The following AOAH variants were observed in gnomAD, a reference collection of about 807,000 sequenced individuals.
The protein encoded by AOAH is acyloxyacyl hydrolase (neutrophil).
AOAH carries 64 observed loss-of-function variants against 92.2 expected under a neutral mutation model. That is an observed-to-expected ratio of 0.69 (90% CI 0.57 to 0.86). The LOEUF (loss-of-function observed/expected upper bound fraction) is 0.86, where lower values mean the gene tolerates loss of function less well. Among genes scored for constraint, AOAH ranks in the 40% least tolerant of loss-of-function variants. The probability of loss-of-function intolerance (pLI) is 0.00; values close to 1 mark genes in which losing one functional copy is unlikely to be tolerated. For missense variants in AOAH, 656 were observed against 694.6 expected, an observed-to-expected ratio of 0.94 and a Z score of 0.62; for synonymous variants, 263 against 254.5, an observed-to-expected ratio of 1.03 and a Z score of -0.32.
At chr7:36,580,066 G>A (rs1788825472) in intron 12 of AOAH, among the ~76,000 whole-genome samples, 1 of 152,154 alleles carries the variant, frequency 6.6e-6, no homozygotes, top group Non-Finnish European at 1.5e-5. Context: ...ATGTTATGAT[G>A]GCAGTCTTGG....
At chr7:36,524,787 G>T (rs187908179) in intron 19 of AOAH, among the ~76,000 whole-genome samples, 1 of 151,656 alleles carries the variant, frequency 6.6e-6, no homozygotes, top group South Asian at 2.1e-4. Context: ...GTTGGCAGTC[G>T]GCAACACGGA....
chr7:36,515,283 ACACACACAC>A (rs777523429), intron 20 of AOAH, among the ~76,000 whole-genome samples: 2 of 117,654 alleles, frequency 1.7e-5, no homozygotes, highest in African/African-American at 3.3e-5. Context: ...CCCCCACACT[ACACACACAC>A]CACACACACA....
At chr7:36,517,176 T>TTCTC (rs1437199186) in intron 20 of AOAH, among the ~76,000 whole-genome samples, 15 of 47,500 alleles carry the variant, frequency 3.2e-4, no homozygotes, top group East Asian at 3.0e-3. Context: ...CTTTCTTTCT[T>TTCTC]TCTTTCTTTC....
intron 3 of AOAH, among the ~76,000 whole-genome samples, chr7:36,662,600 T>C (rs573818652): frequency 1.3e-5 from 2 of 152,262 alleles, no homozygotes; most frequent in South Asian, 4.2e-4. Context: ...GACTCGAGAG[T>C]GATAAATAGG....
chr7:36,517,214 C>CTTTCTTTCTTTCTCTCTT (rs59205788), intron 20 of AOAH, among the ~76,000 whole-genome samples: 1 of 104,830 alleles, frequency 9.5e-6, no homozygotes, highest in Non-Finnish European at 1.9e-5. Flanking sequence ...TTCTTTCTTT[C>CTTTCTTTCTTTCTCTCTT]TCTTTCTTTC....
intron 3 of AOAH, among the ~76,000 whole-genome samples, chr7:36,671,075 A>G (rs575386702): frequency 2.0e-5 from 3 of 152,176 alleles, no homozygotes; most frequent in African/African-American, 7.2e-5. Flanking sequence ...CAGCTTGCTG[A>G]TCTGGTTCCC....
chr7:36,606,003 G>A (rs960698724), intron 11 of AOAH, among the ~76,000 whole-genome samples: 1 of 152,186 alleles, frequency 6.6e-6, no homozygotes, highest in Non-Finnish European at 1.5e-5. Context: ...GATGGCTGAG[G>A]AGCAGAAGAT....
intron 13 of AOAH, among the ~76,000 whole-genome samples, chr7:36,567,786 A>G (rs762715349): frequency 1.3e-4 from 20 of 152,074 alleles, no homozygotes; most frequent in Non-Finnish European, 2.8e-4. Context: ...TGAGGAAGCA[A>G]TTTTTTTCCG....
At chr7:36,675,955 T>C (rs1246527209) in intron 2 of AOAH, among the ~76,000 whole-genome samples, 2 of 152,154 alleles carry the variant, frequency 1.3e-5, no homozygotes, top group East Asian at 3.8e-4. Flanking sequence ...TTATTAGGAA[T>C]AAAAGGGAAT....
intron 10 of AOAH, 125 bp from the exon 11 acceptor site, chr7:36,616,599 A>C (rs13235549): frequency 1.4e-6 from 1 of 733,278 alleles, no homozygotes; most frequent in Non-Finnish European, 2.4e-6. Flanking sequence ...ACAGTAATGC[A>C]TTACCACTTT....
intron 11 of AOAH, among the ~76,000 whole-genome samples, chr7:36,609,965 A>G (rs1283496570): frequency 1.3e-5 from 2 of 152,070 alleles, no homozygotes; most frequent in East Asian, 3.9e-4. Context: ...ACAAGCACGA[A>G]AAACCAGACA....
At chr7:36,709,913 C>T (rs771441038) in intron 1 of AOAH, among the ~76,000 whole-genome samples, 1 of 152,192 alleles carries the variant, frequency 6.6e-6, no homozygotes, top group Admixed American at 6.5e-5. Flanking sequence ...CAGTCTGCAA[C>T]TTAATCTTCA....
At chr7:36,643,783 G>C (rs894751951) in intron 4 of AOAH, among the ~76,000 whole-genome samples, 1 of 152,068 alleles carries the variant, frequency 6.6e-6, no homozygotes, top group East Asian at 1.9e-4. Context: ...TAGTGGGTGA[G>C]TTCTCATGAG....
intron 1 of AOAH, among the ~76,000 whole-genome samples, chr7:36,687,457 T>C (rs1223295431): frequency 6.6e-6 from 1 of 152,170 alleles, no homozygotes; most frequent in Non-Finnish European, 1.5e-5. Flanking sequence ...TAAGTGTGAA[T>C]GCCTAGAGCT....
At chr7:36,526,396 C>T (rs952686627) in intron 19 of AOAH, among the ~76,000 whole-genome samples, 3 of 152,168 alleles carry the variant, frequency 2.0e-5, no homozygotes, top group Admixed American at 1.3e-4. Flanking sequence ...TTATCTGTAT[C>T]GTGACCAATG....
At chr7:36,611,714 A>G (rs891483486) in intron 11 of AOAH, among the ~76,000 whole-genome samples, 1 of 152,150 alleles carries the variant, frequency 6.6e-6, no homozygotes, top group Non-Finnish European at 1.5e-5. Context: ...AAGTACAAGG[A>G]TTTCAGGCAA....
intron 4 of AOAH, among the ~76,000 whole-genome samples, chr7:36,650,114 CG>C: frequency 1.7e-4 from 1 of 5,986 alleles, no homozygotes; most frequent in Non-Finnish European, 2.8e-4. Flanking sequence ...ATCTTGGAAG[CG>C]GCCCACCACC....
In AOAH at chr7:36,614,679, G is replaced by A. The variant is rs1401230829; in HGVS notation, c.846+1701C>T. Among the ~76,000 whole-genome samples, 1 of 152,148 alleles carries A rather than the reference G, an allele frequency of 6.6e-6. No individual in the cohort carries two copies. The highest frequency in any genetic ancestry group is 1.5e-5 in the Non-Finnish European group (1 of 68,034). On this transcript the variant is annotated intron_variant, in intron 11 of 20. Transcript: ENST00000617537. This position sits in a 1 kb window ranked among gnomAD's most constrained non-coding sequence, Gnocchi z 4.2. The stretch of plus-strand genomic sequence containing the variant: ...GCCTGTGTTCCAATGTTAACCTTTG[G>A]TCCTTTTGGGAATCTGGGCACAGGC...
At chr7:36,513,517 C>A (rs1790164454) in intron 20 of AOAH, 137 bp from the exon 21 acceptor site, 6 of 804,660 alleles carry the variant, frequency 7.5e-6, no homozygotes, top group Non-Finnish European at 9.8e-6. Flanking sequence ...CTCTGTATAA[C>A]CTCCTTCCCT....
Sources: gnomAD v4.1 joint callset for allele counts (sites outside exome capture counted in the v4.1 genomes callset) on GRCh38, gnomAD v4.1.1 for gene constraint, Gnocchi (gnomAD v3.1) non-coding constraint, MANE v1.5 for transcripts, NCBI Gene and HGNC (gene_info 2026-07-23, HGNC 2026-07-21) for gene names.